The following ITPR2 variants were observed in gnomAD, a reference collection of about 807,000 sequenced individuals.
ITPR2 encodes the protein inositol 1,4,5-trisphosphate-gated calcium channel ITPR2.
A neutral mutation model predicts 317.1 loss-of-function variants in ITPR2; 207 were observed. The ratio of observed to expected loss-of-function variants is 0.65; its 90% CI spans 0.58 to 0.73. The LOEUF is 0.73. Ranked by LOEUF, ITPR2 falls within the 30% of genes least tolerant of loss-of-function variation. ITPR2 has a pLI of 0.00. For synonymous variants in ITPR2, 1,156 were observed against 1,149.1 expected (o/e 1.01, Z -0.12); for missense variants, 2,613 against 3,284.0 (o/e 0.80, Z 4.99).
intron 55 of ITPR2, among the ~76,000 whole-genome samples, chr12:26,379,836 T>A (rs1488894140): frequency 6.6e-6 from 1 of 152,196 alleles, no homozygotes; most frequent in Non-Finnish European, 1.5e-5. Context: ...TAAATGGAAA[T>A]CCTAAGAAAT....
chr12:26,719,589 G>A lies in ITPR2; in HGVS notation c.525+2808C>T, dbSNP rs1033782903. Among the ~76,000 whole-genome samples the A allele has an allele frequency of 5.9e-5, 9 of 152,306 alleles. No homozygotes were observed. The South Asian group carries it at 8.3e-4, about 14-fold the overall frequency. On this transcript the variant is annotated intron_variant, in intron 5 of 56. Transcript: ENST00000381340. Reference sequence around the variant, plus strand: ...TAAACGCCAGGGTTCTAGTTCCACCGCAGCTAGAAATTCAACACTTTTTTT... The same window carrying A: ...TAAACGCCAGGGTTCTAGTTCCACCACAGCTAGAAATTCAACACTTTTTTT...
At chr12:26,365,280 G>A (rs535383655) in intron 55 of ITPR2, among the ~76,000 whole-genome samples, 32 of 152,232 alleles carry the variant, frequency 2.1e-4, no homozygotes, top group Admixed American at 5.2e-4. Context: ...CTGAAACCTG[G>A]GTACCTAACA....
At chr12:26,559,465 T>C (rs1028226154) in intron 35 of ITPR2, among the ~76,000 whole-genome samples, 2 of 152,212 alleles carry the variant, frequency 1.3e-5, no homozygotes, top group African/African-American at 4.8e-5. Flanking sequence ...TCTTGCTGTG[T>C]CCTCACATGG....
intron 26 of ITPR2, among the ~76,000 whole-genome samples, chr12:26,613,115 A>G (rs910290368): frequency 6.6e-6 from 1 of 152,200 alleles, no homozygotes; most frequent in Non-Finnish European, 1.5e-5. Flanking sequence ...AACTTTAAGA[A>G]CGGAAAGGAG....
In ITPR2 at chr12:26,602,648, T is replaced by C. The variant is rs748129511; in HGVS notation, c.3521A>G (p.Asn1174Ser). The change falls in exon 27 of 57, where the codon AAC becomes AGC. Residue 1174 changes from asparagine (N) to serine (S), a missense_variant. Physicochemically the swap from Asn to Ser is conservative, Grantham distance 46 (BLOSUM62 1). Around this residue, in one of 9 missense-constraint regions of ITPR2, gnomAD observed 817 missense variants for 897.6 expected, o/e 0.91. Transcript: ENST00000381340. ...DGTKKPQIDS[N>S]KSNNYRIVKE... ...TACAATCCGGTAGTTATTGCTCTTG[T>C]TGCTGTCAATCTGAGGTTTCTTTGT... is the stretch of plus-strand genomic sequence containing the variant. 13 of 1,611,682 alleles carry C rather than the reference T, an allele frequency of 8.1e-6. No homozygotes were observed. The highest frequency in any genetic ancestry group is 1.3e-5 in the African/African-American group (1 of 75,040).
At chr12:26,478,813 G>A (rs1383507661) in intron 43 of ITPR2, among the ~76,000 whole-genome samples, 1 of 151,584 alleles carries the variant, frequency 6.6e-6, no homozygotes, top group Non-Finnish European at 1.5e-5. Flanking sequence ...GCTCAGTTTT[G>A]CAAATGAAAA....
intron 21 of ITPR2, among the ~76,000 whole-genome samples, chr12:26,642,900 G>C (rs1947026369): frequency 6.6e-6 from 1 of 152,110 alleles, no homozygotes. Context: ...CAAGCTGCTG[G>C]AGTGCTACTC....
rs1319607721 is a variant in ITPR2, at chr12:26,595,572, T to A, written c.4273A>T (p.Asn1425Tyr). 1.9e-6 allele frequency: 3 copies of A among 1,586,080 alleles called. No individual in the cohort carries two copies. The African/African-American group carries it at 4.1e-5, about 22-fold the overall frequency. ...CIPEVKIAYV[N>Y]FVNHCYVDTE... ...TCAACATAACAGTGATTAACAAAGT[T>A]CACATAAGCAATTTTAACCTGTGCA... Residue 1425 changes from asparagine (N) to tyrosine (Y), a missense_variant, in exon 32 of 57, where the codon AAC becomes TAC. By Grantham distance (143) the Asn-to-Tyr change is moderately radical. Around this residue, in one of 9 missense-constraint regions of ITPR2, gnomAD observed 926 missense variants for 1,072.8 expected, o/e 0.86. Transcript: ENST00000381340.
chr12:26,807,494 A>G (rs1950658974), intron 1 of ITPR2, among the ~76,000 whole-genome samples: 2 of 152,198 alleles, frequency 1.3e-5, no homozygotes, highest in Non-Finnish European at 2.9e-5. Flanking sequence ...TGAGAAGTCA[A>G]AGCTGGAACA....
chr12:26,770,090 C>A (rs1565750095), intron 2 of ITPR2, among the ~76,000 whole-genome samples: 1 of 152,206 alleles, frequency 6.6e-6, no homozygotes, highest in Non-Finnish European at 1.5e-5. Context: ...AAAATGTACT[C>A]TGTTGTACTG....
intron 10 of ITPR2, among the ~76,000 whole-genome samples, chr12:26,687,994 A>T (rs1948162146): frequency 6.6e-6 from 1 of 152,314 alleles, no homozygotes; most frequent in East Asian, 1.9e-4. Flanking sequence ...GAGTATGGGC[A>T]TGTAGGAAGG....
chr12:26,753,126 A>G (rs952150454), intron 2 of ITPR2, among the ~76,000 whole-genome samples: 1 of 152,120 alleles, frequency 6.6e-6, no homozygotes, highest in African/African-American at 2.4e-5. Flanking sequence ...AGTCTCTCCT[A>G]AGACAGAGTG....
chr12:26,514,650 C>T (rs1438753118), intron 37 of ITPR2, among the ~76,000 whole-genome samples: 7 of 152,182 alleles, frequency 4.6e-5, no homozygotes, highest in Admixed American at 3.3e-4. Flanking sequence ...TACAGTTTCA[C>T]TACTGAAACA....
intron 37 of ITPR2, among the ~76,000 whole-genome samples, chr12:26,518,648 C>T (rs965881938): frequency 6.6e-6 from 1 of 151,916 alleles, no homozygotes; most frequent in African/African-American, 2.4e-5. Context: ...TAAAAAATAG[C>T]AAAATTTTAA....
intron 54 of ITPR2, 78 bp from the exon 55 acceptor site, chr12:26,387,672 A>G: frequency 1.5e-6 from 2 of 1,362,878 alleles, no homozygotes; most frequent in Non-Finnish European, 2.0e-6. Context: ...AACAAAACAC[A>G]ATAATTATTG....
chr12:26,389,588 T>C (rs1306610784), intron 54 of ITPR2, among the ~76,000 whole-genome samples: 2 of 152,070 alleles, frequency 1.3e-5, no homozygotes, highest in African/African-American at 4.8e-5. Context: ...TCTCTTTAAG[T>C]AACTCATTCA....
intron 4 of ITPR2, among the ~76,000 whole-genome samples, chr12:26,723,399 C>A (rs987978321): frequency 7.2e-5 from 11 of 152,128 alleles, no homozygotes; most frequent in African/African-American, 2.7e-4. Context: ...CCACCATGTT[C>A]AAGAACATGG....
chr12:26,723,104 C>T (rs1463846964), intron 4 of ITPR2, among the ~76,000 whole-genome samples: 1 of 152,112 alleles, frequency 6.6e-6, no homozygotes, highest in African/African-American at 2.4e-5. Context: ...AGTGTAAAAG[C>T]ATCACTTCTC....
chr12:26,715,507 G>T, intron 7 of ITPR2, 62 bp from the exon 8 acceptor site: 1 of 1,480,516 alleles, frequency 6.8e-7, no homozygotes, highest in Non-Finnish European at 9.2e-7. Context: ...TCTCTTTCTG[G>T]TTTTGCTACT....
Sources: gnomAD v4.1 joint callset for allele counts (sites outside exome capture counted in the v4.1 genomes callset) on GRCh38, gnomAD v4.1.1 for gene constraint, gnomAD v4.1.1 regional missense constraint, MANE v1.5 for transcripts, NCBI Gene and HGNC (gene_info 2026-07-23, HGNC 2026-07-21) for gene names.